Variants in FAM193A observed in about 807,000 individuals in gnomAD.
FAM193A encodes family with sequence similarity 193 member A, also known as protein FAM193A.
FAM193A carries 22 observed loss-of-function variants against 126.5 expected under a neutral mutation model. That is an observed-to-expected ratio of 0.17 (90% CI 0.12 to 0.25). FAM193A has a LOEUF of 0.25. FAM193A is among the 10% of genes least tolerant of loss of function. The pLI, the probability that FAM193A is intolerant of heterozygous loss-of-function variation, is 1.00. For synonymous variants in FAM193A, 761 were observed against 646.8 expected (o/e 1.18, Z -2.68); for missense variants, 1,675 against 1,672.8 (o/e 1.00, Z -0.02).
chr4:2,729,494 C>G (rs867261071), intron 20 of FAM193A, among the ~76,000 whole-genome samples: 2 of 152,180 alleles, frequency 1.3e-5, no homozygotes, highest in African/African-American at 4.8e-5. Context: ...AGTGCACTTT[C>G]CTTCCTTTTG....
intron 5 of FAM193A, among the ~76,000 whole-genome samples, chr4:2,633,914 T>A (rs1249766906): frequency 6.6e-6 from 1 of 152,066 alleles, no homozygotes; most frequent in Non-Finnish European, 1.5e-5. Context: ...TGAAATCTTT[T>A]AAAGTGTATG....
At chr4:2,692,081 T>C (rs150703529) in intron 15 of FAM193A, among the ~76,000 whole-genome samples, 74 of 152,320 alleles carry the variant, frequency 4.9e-4, no homozygotes, top group Non-Finnish European at 9.0e-4. Context: ...TACAGCAGGA[T>C]GATGGGCGCT....
intron 16 of FAM193A, among the ~76,000 whole-genome samples, chr4:2,694,083 C>T (rs904274439): frequency 6.6e-6 from 1 of 152,174 alleles, no homozygotes; most frequent in Non-Finnish European, 1.5e-5. Flanking sequence ...GAGCAGGGGC[C>T]GTGGGCCGCC....
chr4:2,641,105 A>G (rs1001801767), intron 6 of FAM193A, among the ~76,000 whole-genome samples: 5 of 151,556 alleles, frequency 3.3e-5, no homozygotes, highest in African/African-American at 9.7e-5. Context: ...CAGTGGCACA[A>G]TCTCAGCTCA....
chr4:2,598,354 A>G (rs1740990973), intron 2 of FAM193A, among the ~76,000 whole-genome samples: 1 of 152,184 alleles, frequency 6.6e-6, no homozygotes, highest in South Asian at 2.1e-4. Context: ...TGCATTCACC[A>G]ATTAATTGAT....
At chr4:2,545,806 C>T (rs1474881793) in intron 1 of FAM193A, among the ~76,000 whole-genome samples, 2 of 152,180 alleles carry the variant, frequency 1.3e-5, no homozygotes, top group Non-Finnish European at 2.9e-5. Context: ...CTCAGCCTCC[C>T]AGGTAGCTGG....
At chr4:2,605,487 C>T (rs116149639) in intron 2 of FAM193A, among the ~76,000 whole-genome samples, 2,687 of 152,236 alleles carry the variant, frequency 0.018, 64 homozygotes, top group African/African-American at 0.052. Flanking sequence ...TGCTAGATGC[C>T]ATCCTCCTTT....
Position 2,693,740 on chromosome 4 carries a change from A to G in FAM193A, c.2958A>G (p.Ala986=), listed in dbSNP as rs372160152. The change falls in exon 16 of 21, where the codon GCA becomes GCG. Residue 986 remains alanine, a synonymous_variant. Coordinates refer to ENST00000637812, the MANE Select transcript of FAM193A (RefSeq NM_001366318.2). ...ALSPASTPHL[A]NLAAPSFPKT... is the part of the protein sequence containing the mutation. ...CACCTGCCTCCACACCTCACCTTGC[A>G]AATCTTGCAGCCCCATCATTCCCCA... 2 of 1,614,130 alleles carry G rather than the reference A, an allele frequency of 1.2e-6. No individual in the cohort carries two copies. The highest frequency in any genetic ancestry group is 1.7e-6 in the Non-Finnish European group (2 of 1,180,008).
chr4:2,538,637 T>A (rs1737036048), intron 1 of FAM193A, among the ~76,000 whole-genome samples: 1 of 149,478 alleles, frequency 6.7e-6, no homozygotes, highest in South Asian at 2.2e-4. Context: ...AGCGTTTGGA[T>A]CTTTGGGGTT....
chr4:2,731,978 C>T lies in FAM193A; in HGVS notation c.*110C>T, dbSNP rs149411989. 86 of 848,874 alleles carry T rather than the reference C, an allele frequency of 1.0e-4. No homozygotes were observed. Among genetic ancestry groups the T allele is most frequent in the Middle Eastern group, 9.2e-4 (3 of 3,244 alleles). The allele number at this position is 848,874 out of a possible 1,614,324, so 52.6% of individuals were successfully genotyped here. On this transcript the variant is annotated 3_prime_UTR_variant, in exon 21 of 21. Transcript: ENST00000637812. The stretch of plus-strand genomic sequence containing the variant: ...GCCGTGGTGCTTGCCAAGGGCTGTG[C>T]GGAGCTGGTGCTGCCTGAAACCCCA...
chr4:2,693,439 G>A (rs1716639819), intron 15 of FAM193A, 147 bp from the exon 16 acceptor site: 1 of 820,940 alleles, frequency 1.2e-6, no homozygotes, highest in Admixed American at 2.7e-5. Flanking sequence ...AAGAAATAAA[G>A]TTTATAAATA....
intron 20 of FAM193A, among the ~76,000 whole-genome samples, chr4:2,721,061 C>T (rs1720084866): frequency 6.6e-6 from 1 of 151,914 alleles, no homozygotes; most frequent in South Asian, 2.1e-4. Flanking sequence ...TGCCTGTAAT[C>T]CCAGCACTTT....
intron 2 of FAM193A, among the ~76,000 whole-genome samples, chr4:2,597,508 G>A (rs1402245399): frequency 6.6e-6 from 1 of 152,148 alleles, no homozygotes; most frequent in African/African-American, 2.4e-5. Flanking sequence ...CTGGTCCAGA[G>A]GCCAGCGGAA....
intron 2 of FAM193A, among the ~76,000 whole-genome samples, chr4:2,606,918 A>G (rs563550235): frequency 6.6e-6 from 1 of 152,342 alleles, no homozygotes; most frequent in African/African-American, 2.4e-5. Flanking sequence ...TTGGTCACAA[A>G]TAGTGCCAAA....
intron 1 of FAM193A, among the ~76,000 whole-genome samples, chr4:2,556,653 G>A (rs1033923161): frequency 6.6e-6 from 1 of 152,170 alleles, no homozygotes; most frequent in East Asian, 1.9e-4. Flanking sequence ...CAGCACTCCC[G>A]CCTGAGTGAC....
intron 1 of FAM193A, among the ~76,000 whole-genome samples, chr4:2,568,688 A>G (rs1265645723): frequency 6.6e-6 from 1 of 152,200 alleles, no homozygotes; most frequent in Admixed American, 6.5e-5. Flanking sequence ...CAAAGTATAA[A>G]GGGAAAAAAC....
At chr4:2,550,335 C>A (rs1737835045) in intron 1 of FAM193A, among the ~76,000 whole-genome samples, 1 of 152,092 alleles carries the variant, frequency 6.6e-6, no homozygotes, top group Non-Finnish European at 1.5e-5. Context: ...CGTGAGCCAC[C>A]ACACCCAGCC....
chr4:2,591,910 A>G (rs1223810987), intron 1 of FAM193A, among the ~76,000 whole-genome samples: 1 of 152,200 alleles, frequency 6.6e-6, no homozygotes, highest in Non-Finnish European at 1.5e-5. Context: ...TAGTGTTCCC[A>G]AAGTGTTTTC....
intron 2 of FAM193A, among the ~76,000 whole-genome samples, chr4:2,606,347 G>T (rs1404653322): frequency 6.6e-6 from 1 of 152,158 alleles, no homozygotes; most frequent in African/African-American, 2.4e-5. Flanking sequence ...ACCGCATCCG[G>T]CCTAACAAAC....
Sources: gnomAD v4.1 joint callset for allele counts (sites outside exome capture counted in the v4.1 genomes callset) on GRCh38, gnomAD v4.1.1 for gene constraint, MANE v1.5 for transcripts, NCBI Gene and HGNC (gene_info 2026-07-23, HGNC 2026-07-21) for gene names.